KLHL1: variants seen among roughly 807,000 people sequenced by gnomAD.
KLHL1 encodes the protein kelch-like protein 1.
KLHL1 carries 47 observed loss-of-function variants against 77.7 expected under a neutral mutation model. The ratio of observed to expected loss-of-function variants is 0.60; its 90% CI spans 0.48 to 0.77. The LOEUF is 0.77. Among genes scored for constraint, KLHL1 ranks in the 30% least tolerant of loss-of-function variants. The pLI, the probability that KLHL1 is intolerant of heterozygous loss-of-function variation, is 0.00. For missense variants in KLHL1, 925 were observed against 910.8 expected (o/e 1.02, Z -0.20); for synonymous variants, 360 against 325.2 (o/e 1.11, Z -1.15).
chr13:69,713,333 A>G (rs1875965736), intron 9 of KLHL1, among the ~76,000 whole-genome samples: 2 of 152,162 alleles, frequency 1.3e-5, no homozygotes, highest in South Asian at 2.1e-4. Flanking sequence ...CATGTCTAAT[A>G]AAAATGGTAT....
intron 1 of KLHL1, among the ~76,000 whole-genome samples, chr13:70,084,853 A>G (rs1283686760): frequency 6.6e-6 from 1 of 151,766 alleles, no homozygotes; most frequent in Non-Finnish European, 1.5e-5. Flanking sequence ...TTGTTCACAG[A>G]TTCTGTTTTC....
intron 6 of KLHL1, among the ~76,000 whole-genome samples, chr13:69,815,830 T>G (rs1002512029): frequency 5.9e-5 from 9 of 152,078 alleles, no homozygotes; most frequent in Non-Finnish European, 1.2e-4. Flanking sequence ...AGTTATAAAG[T>G]ACATTTTAAT....
chr13:69,922,382 A>G (rs1882671445), intron 4 of KLHL1, among the ~76,000 whole-genome samples: 1 of 152,188 alleles, frequency 6.6e-6, no homozygotes, highest in Non-Finnish European at 1.5e-5. Flanking sequence ...AGAACAGTAA[A>G]TATCTGGTAT....
At chr13:69,766,198 A>C (rs536907680) in intron 7 of KLHL1, among the ~76,000 whole-genome samples, 1 of 152,160 alleles carries the variant, frequency 6.6e-6, no homozygotes, top group Non-Finnish European at 1.5e-5. Flanking sequence ...TTTTAAATTT[A>C]GCTTGGAGGA....
chr13:69,704,737 T>C (rs983411138), intron 10 of KLHL1, among the ~76,000 whole-genome samples: 3 of 151,764 alleles, frequency 2.0e-5, no homozygotes, highest in African/African-American at 7.2e-5. Context: ...TTATTTAATA[T>C]ACATTTTTAA....
intron 1 of KLHL1, among the ~76,000 whole-genome samples, chr13:69,981,541 A>T (rs1593647382): frequency 6.6e-6 from 1 of 152,062 alleles, no homozygotes; most frequent in Non-Finnish European, 1.5e-5. Context: ...AGGGAAAAAA[A>T]TTTAACTATT....
intron 4 of KLHL1, among the ~76,000 whole-genome samples, chr13:69,915,723 A>T (rs901610852): frequency 6.6e-6 from 1 of 152,130 alleles, no homozygotes; most frequent in African/African-American, 2.4e-5. Context: ...CAATGGCAAC[A>T]AAAGCCAAAA....
rs11357077 is a variant in KLHL1, at chr13:69,847,404, C to CAAAAAA, written c.1228-8248_1228-8243dup. On this transcript the variant is annotated intron_variant, in intron 5 of 10. Transcript: ENST00000377844. ...TTAAGTTAGAGTAATACTGCATTAG[C>CAAAAAA]AAAAAAAAAAAAAAAAAAAAAAACA... Among the ~76,000 whole-genome samples the CAAAAAA allele has an allele frequency of 6.1e-4, 89 of 145,894 alleles. 4 individuals carry two copies. Among genetic ancestry groups the CAAAAAA allele is most frequent in the African/African-American group, 1.9e-3 (73 of 38,644 alleles).
At chr13:69,842,424 A>G (rs942957918) in intron 5 of KLHL1, among the ~76,000 whole-genome samples, 1 of 151,974 alleles carries the variant, frequency 6.6e-6, no homozygotes, top group African/African-American at 2.4e-5. Context: ...CAAATGGCCC[A>G]ACAGGTATAT....
At chr13:69,704,815 G>A (rs1227913285) in intron 10 of KLHL1, among the ~76,000 whole-genome samples, 3 of 151,596 alleles carry the variant, frequency 2.0e-5, no homozygotes, top group Non-Finnish European at 3.0e-5. Context: ...AGCTAAAAAG[G>A]TTGGCCACAG....
At chr13:70,101,552 C>A (rs954042777) in intron 1 of KLHL1, among the ~76,000 whole-genome samples, 1 of 152,090 alleles carries the variant, frequency 6.6e-6, no homozygotes, top group African/African-American at 2.4e-5. Context: ...CCTCAGCCTC[C>A]CAAGGAGCTG....
Position 69,901,839 on chromosome 13 carries a change from C to G in KLHL1, c.1015-19344G>C, listed in dbSNP as rs146509174. Among the ~76,000 whole-genome samples the G allele has an allele frequency of 3.6e-3, 520 of 143,806 alleles. 4 individuals are homozygous for G. Among genetic ancestry groups the G allele is most frequent in the African/African-American group, 0.013 (505 of 38,664 alleles). The allele number at this position is 143,806 out of a possible 152,430, so 94.3% of individuals were successfully genotyped here. ...TGAGACGGAGTCTCGCTCTTGTTGCCCAGGCTGGAGTGCAATGGCGCCATC... is the reference window on the plus strand; with the variant it reads ...TGAGACGGAGTCTCGCTCTTGTTGCGCAGGCTGGAGTGCAATGGCGCCATC... On this transcript the variant is annotated intron_variant, in intron 4 of 10. Transcript: ENST00000377844.
intron 7 of KLHL1, among the ~76,000 whole-genome samples, chr13:69,760,865 A>G (rs1874988471): frequency 6.6e-6 from 1 of 152,104 alleles, no homozygotes; most frequent in Non-Finnish European, 1.5e-5. Context: ...TCCCACTGTA[A>G]TTTTAAATTA....
chr13:69,969,204 A>T (rs931047053), intron 2 of KLHL1, among the ~76,000 whole-genome samples: 3 of 152,162 alleles, frequency 2.0e-5, no homozygotes, highest in African/African-American at 7.2e-5. Context: ...TAATTCATGC[A>T]TTTAAGAAAT....
chr13:70,006,251 A>C (rs1885401968), intron 1 of KLHL1, among the ~76,000 whole-genome samples: 1 of 151,942 alleles, frequency 6.6e-6, no homozygotes. Flanking sequence ...CATTTTCTTT[A>C]TCTATTTGCT....
chr13:69,975,507 AAAAAAATG>A, intron 2 of KLHL1, 105 bp downstream of exon 2: 4 of 375,142 alleles, frequency 1.1e-5, no homozygotes, highest in Non-Finnish European at 1.6e-5. Context: ...CAAAAAACTT[AAAAAAATG>A]TGAATCCTTA....
chr13:70,018,342 T>A lies in KLHL1; in HGVS notation c.498-42540A>T, dbSNP rs143927949. 4.6e-5 allele frequency among the ~76,000 whole-genome samples: 7 copies of A among 152,310 alleles called. No homozygotes were observed. The East Asian group carries it at 1.4e-3, about 29-fold the overall frequency. On this transcript the variant is annotated intron_variant, in intron 1 of 10. Transcript: ENST00000377844. ...AAGTATAAAGTGGCAAAGCTGAGACTTGAACTCAAATAGTGGGGTTATGTC... is the reference window on the plus strand; with the variant it reads ...AAGTATAAAGTGGCAAAGCTGAGACATGAACTCAAATAGTGGGGTTATGTC...
At chr13:70,028,757 G>A (rs551743254) in intron 1 of KLHL1, among the ~76,000 whole-genome samples, 54 of 152,038 alleles carry the variant, frequency 3.6e-4, no homozygotes, top group Non-Finnish European at 6.8e-4. Context: ...CAGGTGAATT[G>A]CTTGAGCCCA....
chr13:69,985,910 T>TTATA lies in KLHL1; in HGVS notation c.498-10112_498-10109dup, dbSNP rs59514285. Among the ~76,000 whole-genome samples, 209 of 146,750 alleles carry TTATA rather than the reference T, an allele frequency of 1.4e-3. 1 individual carries two copies. The highest frequency in any genetic ancestry group is 5.0e-3 in the African/African-American group (198 of 39,846). The stretch of plus-strand genomic sequence containing the variant: ...ATGTATATAAGTATATATATGTAAG[T>TTATA]TATATATATATGTAAATATATATGT... On this transcript the variant is annotated intron_variant, in intron 1 of 10. Coordinates refer to ENST00000377844, the MANE Select transcript of KLHL1 (RefSeq NM_020866.3).
Sources: gnomAD v4.1 joint callset for allele counts (sites outside exome capture counted in the v4.1 genomes callset) on GRCh38, gnomAD v4.1.1 for gene constraint, MANE v1.5 for transcripts, NCBI Gene and HGNC (gene_info 2026-07-23, HGNC 2026-07-21) for gene names.